PAX8: variants seen among roughly 807,000 people sequenced by gnomAD.
The protein encoded by PAX8 is paired box 8.
A neutral mutation model predicts 52.4 loss-of-function variants in PAX8; 15 were observed. The observed-to-expected ratio is 0.29, with a 90% CI of 0.19 to 0.44. The LOEUF (loss-of-function observed/expected upper bound fraction) is 0.44, where lower values mean the gene tolerates loss of function less well. Ranked by LOEUF, PAX8 falls within the 20% of genes least tolerant of loss-of-function variation. The probability of loss-of-function intolerance (pLI) is 1.00; values close to 1 mark genes in which losing one functional copy is unlikely to be tolerated. For synonymous variants in PAX8, 284 were observed against 249.7 expected (o/e 1.14, Z -1.29); for missense variants, 554 against 602.5 (o/e 0.92, Z 0.84).
intron 1 of PAX8, 99 bp downstream of exon 1, chr2:113,278,732 G>C: frequency 1.6e-6 from 1 of 627,904 alleles, no homozygotes. Context: ...CGTTTAACTT[G>C]GGAGGGAAAA....
intron 2 of PAX8, chr2:113,270,129 A>G (rs1693363768): frequency 6.6e-6 from 1 of 152,220 alleles, no homozygotes; most frequent in African/African-American, 2.4e-5. Flanking sequence ...CACATGAATT[A>G]TTGAAAAGTC....
At position 113,227,215 on chromosome 2, in the gene PAX8, G is replaced by A. The variant is rs1689633435; in HGVS notation, c.1129C>T (p.His377Tyr). Residue 377 changes from histidine (H) to tyrosine (Y), a missense_variant, in exon 10 of 12, where the codon CAC (histidine) becomes TAC (tyrosine). By Grantham distance (83) the His-to-Tyr change is moderately conservative (BLOSUM62 2). Transcript: ENST00000429538. ...CTGCCCTGTCCGCTGGTGGGGATGT[G>A]GGGTGGGTATCCGGGCAGCGTGGGC... ...VGPTLPGYPP[H>Y]IPTSGQGSYA... The A allele has an allele frequency of 2.5e-6, 4 of 1,611,078 alleles. No individual in the cohort carries two copies. The East Asian group carries it at 6.7e-5, about 27-fold the overall frequency.
Position 113,218,244 on chromosome 2 carries a change from G to A in PAX8, c.*289C>T, listed in dbSNP as rs556363105. Reference sequence around the variant, plus strand: ...CTTCTTCTCTCCTTTGGTGGGTACCGGCTGGGGGCTACATTTCTTCTTCAA... The same window carrying A: ...CTTCTTCTCTCCTTTGGTGGGTACCAGCTGGGGGCTACATTTCTTCTTCAA... On this transcript the variant is annotated 3_prime_UTR_variant, in exon 12 of 12. Coordinates refer to ENST00000429538, the MANE Select transcript of PAX8 (RefSeq NM_003466.4). The A allele has an allele frequency of 3.4e-5, 12 of 350,544 alleles. No individual in the cohort carries two copies. Among genetic ancestry groups the A allele is most frequent in the South Asian group, 3.4e-4 (3 of 8,822 alleles). 21.7% of individuals were successfully genotyped at this position (350,544 alleles called of 1,614,324 possible). A position where few individuals can be genotyped will look rare whatever the true frequency, so the allele number is the denominator to read the frequency against.
At chr2:113,262,803 G>A (rs1402047112) in intron 2 of PAX8, among the ~76,000 whole-genome samples, 3 of 152,198 alleles carry the variant, frequency 2.0e-5, no homozygotes, top group South Asian at 2.1e-4. Flanking sequence ...CAGGAGCTAC[G>A]AGAGAGGCAC....
chr2:113,242,764 T>C lies in PAX8; in HGVS notation c.404A>G (p.Lys135Arg), dbSNP rs190431939. The C allele has an allele frequency of 1.0e-3, 1,637 of 1,613,558 alleles. 9 individuals carry two copies. Among genetic ancestry groups the C allele is most frequent in the Non-Finnish European group, 9.5e-4 (1,115 of 1,179,586 alleles). The part of the protein sequence containing the change: ...VSSINRIIRT[K>R]VQQPFNLPMD... Reference sequence around the variant, plus strand: ...AGGGAGGTTGAATGGTTGCTGCACTTTGGTCCGGATGATTCTGTGATGAAG... The same window carrying C: ...AGGGAGGTTGAATGGTTGCTGCACTCTGGTCCGGATGATTCTGTGATGAAG... The change falls in exon 5 of 12, where the codon AAA becomes AGA. Residue 135 changes from lysine to arginine, a missense_variant. Coordinates refer to ENST00000429538, the MANE Select transcript of PAX8 (RefSeq NM_003466.4).
At chr2:113,241,874 G>T in intron 6 of PAX8, 134 bp downstream of exon 6, 1 of 1,426,842 alleles carries the variant, frequency 7.0e-7, no homozygotes, top group Non-Finnish European at 9.8e-7. Context: ...CCAACTGAGG[G>T]ACAGGACATG....
intron 11 of PAX8, among the ~76,000 whole-genome samples, chr2:113,219,146 C>A (rs1689138934): frequency 6.6e-6 from 1 of 152,180 alleles, no homozygotes; most frequent in African/African-American, 2.4e-5. Context: ...TTGCCCTCGT[C>A]TTTTCTGGCT....
intron 10 of PAX8, among the ~76,000 whole-genome samples, chr2:113,224,846 TAAA>T (rs1689471564): frequency 1.3e-4 from 2 of 15,796 alleles, no homozygotes; most frequent in Admixed American, 1.5e-3. Context: ...AAATATAAAA[TAAA>T]ATAAAATAAA....
At chr2:113,220,221 A>G in intron 10 of PAX8, 43 bp from the exon 11 acceptor site, 1 of 1,468,424 alleles carries the variant, frequency 6.8e-7, no homozygotes, top group Non-Finnish European at 9.5e-7. Flanking sequence ...GGTGAAGGGC[A>G]TCAATGCAGG....
intron 9 of PAX8, among the ~76,000 whole-genome samples, chr2:113,228,416 A>C (rs992954746): frequency 2.0e-5 from 3 of 150,384 alleles, no homozygotes; most frequent in Non-Finnish European, 4.4e-5. Flanking sequence ...TGATATTTAC[A>C]GAGTTTCTCA....
intron 7 of PAX8, chr2:113,240,864 T>C (rs1052010733): frequency 2.5e-5 from 4 of 160,912 alleles, no homozygotes; most frequent in Admixed American, 5.7e-5. Context: ...CGCGTGTCTT[T>C]GTACCTGTCT....
At chr2:113,264,686 T>C (rs535471513) in intron 2 of PAX8, among the ~76,000 whole-genome samples, 55 of 152,294 alleles carry the variant, frequency 3.6e-4, no homozygotes, top group African/African-American at 1.3e-3. Context: ...GTGACATTTG[T>C]TGGAACAAGT....
intron 7 of PAX8, chr2:113,237,501 A>C (rs1165935933): frequency 2.0e-5 from 3 of 152,186 alleles, no homozygotes; most frequent in Non-Finnish European, 4.4e-5. Context: ...AAACAAATAG[A>C]AGTGTGCAAG....
At chr2:113,260,236 A>G (rs146730151) in intron 2 of PAX8, among the ~76,000 whole-genome samples, 1 of 152,282 alleles carries the variant, frequency 6.6e-6, no homozygotes, top group East Asian at 1.9e-4. Context: ...TTTTCAACAC[A>G]TTTACATGCA....
intron 2 of PAX8, among the ~76,000 whole-genome samples, chr2:113,277,814 G>A (rs1693931357): frequency 6.6e-6 from 1 of 152,176 alleles, no homozygotes; most frequent in African/African-American, 2.4e-5. Context: ...CGCGGCGCCC[G>A]GCCTGCCCGG....
intron 10 of PAX8, among the ~76,000 whole-genome samples, chr2:113,224,594 CG>C (rs1196375892): frequency 6.8e-6 from 1 of 147,244 alleles, no homozygotes. Flanking sequence ...ATGGAAGGAT[CG>C]GTGGAAAGGT....
chr2:113,247,045 AG>A, intron 2 of PAX8, 126 bp from the exon 3 acceptor site: 1 of 928,016 alleles, frequency 1.1e-6, no homozygotes, highest in Non-Finnish European at 1.7e-6. Flanking sequence ...TCCCACGGCC[AG>A]GCCCTGTGGG....
At chr2:113,222,447 A>T (rs1298944019) in intron 10 of PAX8, among the ~76,000 whole-genome samples, 1 of 152,196 alleles carries the variant, frequency 6.6e-6, no homozygotes, top group Non-Finnish European at 1.5e-5. Context: ...GGGGCAGGGG[A>T]TGGAGCTCGG....
rs773276491 is a variant in PAX8, at chr2:113,217,921, C to T, written c.*612G>A. 14 of 233,256 alleles carry T rather than the reference C, an allele frequency of 6.0e-5. No individual in the cohort carries two copies. The highest frequency in any genetic ancestry group is 1.2e-4 in the Non-Finnish European group (14 of 118,176). The allele number at this position is 233,256 out of a possible 1,614,324, so 14.4% of individuals were successfully genotyped here. A position where few individuals can be genotyped will look rare whatever the true frequency, so the allele number is the denominator to read the frequency against. ...AGCCTGGTGGAATTTCTGAGGGACT[C>T]GCTCCAGCCCTCAGCCCATGCCCAA... is the stretch of plus-strand genomic sequence containing the variant. On this transcript the variant is annotated 3_prime_UTR_variant, in exon 12 of 12. Transcript: ENST00000429538.
Sources: gnomAD v4.1 joint callset for allele counts (sites outside exome capture counted in the v4.1 genomes callset) on GRCh38, gnomAD v4.1.1 for gene constraint, MANE v1.5 for transcripts, NCBI Gene and HGNC (gene_info 2026-07-23, HGNC 2026-07-21) for gene names.